Variants in NPR2 observed in about 807,000 individuals in gnomAD.
The protein encoded by NPR2 is natriuretic peptide receptor 2, also known as atrial natriuretic peptide receptor 2.
A neutral mutation model predicts 120.7 loss-of-function variants in NPR2; 49 were observed. That is an observed-to-expected ratio of 0.41 (90% CI 0.32 to 0.52). NPR2 has a LOEUF of 0.52. NPR2 is among the 20% of genes least tolerant of loss of function. The pLI, the probability that NPR2 is intolerant of heterozygous loss-of-function variation, is 0.36. For synonymous variants in NPR2, 484 were observed against 519.8 expected, an observed-to-expected ratio of 0.93 and a Z score of 0.94; for missense variants, 931 against 1,362.9, an observed-to-expected ratio of 0.68 and a Z score of 4.99.
rs1305757694 is a variant in NPR2 at position 35,807,014 on chromosome 9, G to C, written c.2520-9G>C. ...GGAGTTTGGCTCATACGGCACCCTT[G>C]CTTCCTAGTTCAGTGGCAGAGCAGT... is the stretch of plus-strand genomic sequence containing the variant. On this transcript the variant is annotated splice_polypyrimidine_tract_variant and intron_variant, in intron 16 of 21. Coordinates refer to ENST00000342694, the MANE Select transcript of NPR2 (RefSeq NM_003995.4). The C allele has an allele frequency of 6.2e-7, 1 of 1,614,022 alleles. No individual in the cohort carries two copies. Among genetic ancestry groups the C allele is most frequent in the Non-Finnish European group, 8.5e-7 (1 of 1,179,952 alleles).
At chr9:35,797,661 G>A (rs1827984445) in intron 2 of NPR2, among the ~76,000 whole-genome samples, 1 of 152,006 alleles carries the variant, frequency 6.6e-6, no homozygotes, top group Non-Finnish European at 1.5e-5. Context: ...ACTGTGAAAT[G>A]GGACACAATT....
rs540225704 is a variant in NPR2, at chr9:35,799,457, C to T, written c.874-161C>T. ...ACACACACACACACGCACACACACACGCAGAGAGAGAGAGGTTAGTAGCCC... is the reference window on the plus strand; with the variant it reads ...ACACACACACACACGCACACACACATGCAGAGAGAGAGAGGTTAGTAGCCC... On this transcript the variant is annotated intron_variant, in intron 2 of 21. Transcript: ENST00000342694. 8.5e-5 allele frequency among the ~76,000 whole-genome samples: 13 copies of T among 152,120 alleles called. No individual in the cohort carries two copies. The East Asian group carries it at 1.9e-3, about 23-fold the overall frequency.
chr9:35,805,660 C>G lies in NPR2; in HGVS notation c.2037C>G (p.Ala679=). The G allele has an allele frequency of 6.2e-7, 1 of 1,614,044 alleles. No individual in the cohort carries two copies. The highest frequency in any genetic ancestry group is 8.5e-7 in the Non-Finnish European group (1 of 1,180,038). Residue 679 remains alanine (A), a synonymous_variant, in exon 13 of 22, where the codon GCC becomes GCG. Coordinates refer to ENST00000342694, the MANE Select transcript of NPR2 (RefSeq NM_003995.4). The surrounding 1 kb of genome is among the most constrained non-coding windows in gnomAD (Gnocchi z 4.9). The part of the protein sequence containing the change: ...RSTAEPDDSH[A]LYAKKLWTAP... Reference sequence around the variant, plus strand: ...CTGCTGAACCTGATGACAGCCATGCCCTCTATGCCAGTGAGGCCCACCCCC... The same window carrying G: ...CTGCTGAACCTGATGACAGCCATGCGCTCTATGCCAGTGAGGCCCACCCCC...
In NPR2 at chr9:35,792,203, G is replaced by C; in HGVS notation, c.-206G>C. ...CCTCAGTCCTTGCCCTAGGCTGGTA[G>C]CCCACTCCTTGCCCGCCCCCCGCCT... On this transcript the variant is annotated 5_prime_UTR_variant, in exon 1 of 22. Coordinates refer to ENST00000342694, the MANE Select transcript of NPR2 (RefSeq NM_003995.4). 1 of 528,906 alleles carries C rather than the reference G, an allele frequency of 1.9e-6. No individual in the cohort carries two copies. The highest frequency in any genetic ancestry group is 3.4e-6 in the Non-Finnish European group (1 of 297,786). The allele number at this position is 528,906 out of a possible 1,614,324, so 32.8% of individuals were successfully genotyped here. A position where few individuals can be genotyped will look rare whatever the true frequency, so the allele number is the denominator to read the frequency against.
chr9:35,799,936 G>C lies in NPR2; in HGVS notation c.988-86G>C, dbSNP rs1032703763. 1.3e-5 allele frequency: 21 copies of C among 1,587,294 alleles called. No homozygotes were observed. The African/African-American group carries it at 2.6e-4, about 19-fold the overall frequency. On this transcript the variant is annotated intron_variant, in intron 3 of 21. Transcript: ENST00000342694. ...AGAGGGAAGAAAGCAAACCAGAAGA[G>C]AGAATAGGTAGAAGGGAGACCCCAG... is the stretch of plus-strand genomic sequence containing the variant.
chr9:35,806,286 C>G lies in NPR2; in HGVS notation c.2372+53C>G. ...TCCCAGGGATAGAAGACTCATTAGTCCTAGTGCATGAAGTGGGGCAGGTGG... is the reference window on the plus strand; with the variant it reads ...TCCCAGGGATAGAAGACTCATTAGTGCTAGTGCATGAAGTGGGGCAGGTGG... On this transcript the variant is annotated intron_variant, in intron 15 of 21. Coordinates refer to ENST00000342694, the MANE Select transcript of NPR2 (RefSeq NM_003995.4). The surrounding 1 kb of genome is among the most constrained non-coding windows in gnomAD (Gnocchi z 4.6). The G allele has an allele frequency of 1.2e-6, 2 of 1,611,532 alleles. No individual in the cohort carries two copies. Among genetic ancestry groups the G allele is most frequent in the South Asian group, 2.2e-5 (2 of 91,014 alleles).
At position 35,808,554 on chromosome 9, in the gene NPR2, G is replaced by A. The variant is rs1181563118; in HGVS notation, c.2758G>A (p.Gly920Ser). 6.2e-7 allele frequency: 1 copy of A among 1,614,060 alleles called. No individual in the cohort carries two copies. The highest frequency in any genetic ancestry group is 8.5e-7 in the Non-Finnish European group (1 of 1,180,062). The change falls in exon 19 of 22, where the codon GGC becomes AGC. Residue 920 changes from glycine (G) to serine (S), a missense_variant. Gly to Ser is a moderately conservative substitution (Grantham distance 56). This residue lies in a region of NPR2 where 184 missense variants were observed against 328.3 expected (regional missense o/e 0.56). Coordinates refer to ENST00000342694, the MANE Select transcript of NPR2 (RefSeq NM_003995.4). The surrounding 1 kb of genome is among the most constrained non-coding windows in gnomAD (Gnocchi z 4.0). Reference protein sequence around the residue: ...DAYMVVSGLPGRNGQRHAPEI... With the variant: ...DAYMVVSGLPSRNGQRHAPEI... Reference sequence around the variant, plus strand: ...TTACATGGTGGTATCTGGCCTCCCAGGCCGAAATGGTCAACGCCATGCACC... The same window carrying A: ...TTACATGGTGGTATCTGGCCTCCCAAGCCGAAATGGTCAACGCCATGCACC...
chr9:35,802,572 A>G lies in NPR2; in HGVS notation c.1780A>G (p.Ile594Val), dbSNP rs2132083748. The G allele has an allele frequency of 6.2e-7, 1 of 1,606,338 alleles. No homozygotes were observed. The highest frequency in any genetic ancestry group is 8.5e-7 in the Non-Finnish European group (1 of 1,172,960). Residue 594 changes from isoleucine (I) to valine (V), a missense_variant, in exon 11 of 22, where the codon ATT becomes GTT. By Grantham distance (29) the Ile-to-Val change is conservative (BLOSUM62 3). This residue lies in a region of NPR2 where 681 missense variants were observed against 974.3 expected (regional missense o/e 0.70). Coordinates refer to ENST00000342694, the MANE Select transcript of NPR2 (RefSeq NM_003995.4). This position sits in a 1 kb window ranked among gnomAD's most constrained non-coding sequence, Gnocchi z 4.2. ...CTGCATAGACCCTCCCAACATTTGC[A>G]TTGTCACTGAATACTGTCCTCGTGG... is the stretch of plus-strand genomic sequence containing the variant. ...GACIDPPNIC[I>V]VTEYCPRGSL...
chr9:35,799,444 A>G (rs200519956), intron 2 of NPR2, among the ~76,000 whole-genome samples, 174 bp from the exon 3 acceptor site: 204 of 149,092 alleles, frequency 1.4e-3, no homozygotes, highest in East Asian at 2.8e-3. Context: ...ACACACACAC[A>G]CGCACACACA....
In NPR2 at chr9:35,802,698, C is replaced by T. The variant is rs755448963; in HGVS notation, c.1816-34C>T. ...TATGCTGGGTGATAGCTGGTGGGAC[C>T]AGGACAGACAGTCTATTCCATGTCA... On this transcript the variant is annotated intron_variant, in intron 11 of 21. Transcript: ENST00000342694. This position sits in a 1 kb window ranked among gnomAD's most constrained non-coding sequence, Gnocchi z 4.2. The T allele has an allele frequency of 1.4e-5, 22 of 1,547,080 alleles. No homozygotes were observed. In the East Asian group the frequency reaches 4.7e-4, roughly 33 times the overall value.
At position 35,799,897 on chromosome 9, in the gene NPR2, G is replaced by A. The variant is rs948934796; in HGVS notation, c.988-125G>A. 28 of 1,473,642 alleles carry A rather than the reference G, an allele frequency of 1.9e-5. No homozygotes were observed. In the South Asian group the frequency reaches 2.4e-4, roughly 13 times the overall value. The allele number at this position is 1,473,642 out of a possible 1,614,324, so 91.3% of individuals were successfully genotyped here. On this transcript the variant is annotated intron_variant, in intron 3 of 21. Transcript: ENST00000342694. ...CCTATGGAGTAGTTAGGAAGGGATGGCACTTTAGGAATAAGAGGGAAGAAA... is the reference window on the plus strand; with the variant it reads ...CCTATGGAGTAGTTAGGAAGGGATGACACTTTAGGAATAAGAGGGAAGAAA...
chr9:35,801,932 T>C lies in NPR2; in HGVS notation c.1564T>C (p.Ser522Pro). ...GSRLTLSLRG[S>P]SYGSLMTAHG... ...ATGTTGCCCTTGGCCCCAGCGGGGA[T>C]CCAGTTACGGCTCGCTCATGACAGC... Residue 522 changes from serine (S) to proline (P), a missense_variant, in exon 9 of 22, where the codon TCC (serine) becomes CCC (proline). Coordinates refer to ENST00000342694, the MANE Select transcript of NPR2 (RefSeq NM_003995.4). The C allele has an allele frequency of 6.2e-7, 1 of 1,614,158 alleles. No homozygotes were observed. The highest frequency in any genetic ancestry group is 8.5e-7 in the Non-Finnish European group (1 of 1,180,018).
At position 35,792,890 on chromosome 9, in the gene NPR2, A is replaced by C; in HGVS notation, c.482A>C (p.Asn161Thr). ...GTGGTGACACTACACGGGCACTTCA[A>C]TTGGACTGCCCGTGCTGCCTTGCTG... Reference protein sequence around the residue: ...EFVVTLHGHFNWTARAALLYL... With the variant: ...EFVVTLHGHFTWTARAALLYL... The change falls in exon 1 of 22, where the codon AAT becomes ACT. Residue 161 changes from asparagine (N) to threonine (T), a missense_variant. Around this residue, in one of 3 missense-constraint regions of NPR2, gnomAD observed 681 missense variants for 974.3 expected, o/e 0.70. Coordinates refer to ENST00000342694, the MANE Select transcript of NPR2 (RefSeq NM_003995.4). 1 of 1,614,036 alleles carries C rather than the reference A, an allele frequency of 6.2e-7. No individual in the cohort carries two copies. Among genetic ancestry groups the C allele is most frequent in the Non-Finnish European group, 8.5e-7 (1 of 1,179,990 alleles).
In NPR2 at chr9:35,801,716, T is replaced by TCA. The variant is rs769919675; in HGVS notation, c.1511_1512dup (p.Glu505GlnfsTer25). 6.2e-7 allele frequency: 1 copy of TCA among 1,614,220 alleles called. No homozygotes were observed. The highest frequency in any genetic ancestry group is 1.7e-5 in the Admixed American group (1 of 60,024). On this transcript the variant is annotated frameshift_variant, in exon 8 of 22. Coordinates refer to ENST00000342694, the MANE Select transcript of NPR2 (RefSeq NM_003995.4). LOFTEE classifies it high-confidence loss of function. ...CTGGGAAGAACTGCAGTTTGGCAAC[T>TCA]CAGAGCGTTATCACAAAGGTGCAGG...
intron 2 of NPR2, among the ~76,000 whole-genome samples, chr9:35,798,181 A>G (rs1475603564): frequency 2.0e-5 from 3 of 152,110 alleles, no homozygotes; most frequent in African/African-American, 7.2e-5. Flanking sequence ...TGTGTTAAAA[A>G]CCTATCATCA....
Position 35,808,558 on chromosome 9 carries a change from G to A in NPR2, c.2762G>A (p.Arg921Gln), listed in dbSNP as rs770276670. 6.2e-6 allele frequency: 10 copies of A among 1,614,006 alleles called. No homozygotes were observed. Among genetic ancestry groups the A allele is most frequent in the Non-Finnish European group, 8.5e-6 (10 of 1,180,030 alleles). The change falls in exon 19 of 22, where the codon CGA (arginine) becomes CAA (glutamine). Residue 921 changes from arginine to glutamine, a missense_variant. Physicochemically the swap from Arg to Gln is conservative, Grantham distance 43. Around this residue, in one of 3 missense-constraint regions of NPR2, gnomAD observed 184 missense variants for 328.3 expected, o/e 0.56. Coordinates refer to ENST00000342694, the MANE Select transcript of NPR2 (RefSeq NM_003995.4). The surrounding 1 kb of genome is among the most constrained non-coding windows in gnomAD (Gnocchi z 4.0). ...AYMVVSGLPG[R>Q]NGQRHAPEIA... ...ATGGTGGTATCTGGCCTCCCAGGCCGAAATGGTCAACGCCATGCACCAGAA... is the reference window on the plus strand; with the variant it reads ...ATGGTGGTATCTGGCCTCCCAGGCCAAAATGGTCAACGCCATGCACCAGAA...
At position 35,792,192 on chromosome 9, in the gene NPR2, C is replaced by T. The variant is rs1827802566; in HGVS notation, c.-217C>T. 5.4e-6 allele frequency: 3 copies of T among 552,438 alleles called. No individual in the cohort carries two copies. Among genetic ancestry groups the T allele is most frequent in the Admixed American group, 6.2e-5 (2 of 32,174 alleles). 34.2% of individuals were successfully genotyped at this position (552,438 alleles called of 1,614,324 possible). The stretch of plus-strand genomic sequence containing the variant: ...CCGTTCTCAGTCCTCAGTCCTTGCC[C>T]TAGGCTGGTAGCCCACTCCTTGCCC... On this transcript the variant is annotated 5_prime_UTR_variant, in exon 1 of 22. Coordinates refer to ENST00000342694, the MANE Select transcript of NPR2 (RefSeq NM_003995.4).
chr9:35,806,898 C>A lies in NPR2; in HGVS notation c.2520-125C>A. On this transcript the variant is annotated intron_variant, in intron 16 of 21. Coordinates refer to ENST00000342694, the MANE Select transcript of NPR2 (RefSeq NM_003995.4). The surrounding 1 kb of genome is among the most constrained non-coding windows in gnomAD (Gnocchi z 4.6). The stretch of plus-strand genomic sequence containing the variant: ...TAATGTCTTCCCAGCCACTTTCCTC[C>A]CTCCCACCTGAAAAGCCTAGCTTTC... The A allele has an allele frequency of 9.1e-7, 1 of 1,094,746 alleles. No homozygotes were observed. Among genetic ancestry groups the A allele is most frequent in the Non-Finnish European group, 1.4e-6 (1 of 735,892 alleles). The allele number at this position is 1,094,746 out of a possible 1,614,324, so 67.8% of individuals were successfully genotyped here.
chr9:35,793,989 T>C lies in NPR2; in HGVS notation c.759T>C (p.Phe253=), dbSNP rs1048951305. 17 of 1,614,100 alleles carry C rather than the reference T, an allele frequency of 1.1e-5. No individual in the cohort carries two copies. The African/African-American group carries it at 1.9e-4, about 18-fold the overall frequency. ...ENLTNGDYVF[F]YLDVFGESLR... is the part of the protein sequence containing the mutation. ...TGACCAATGGGGATTATGTCTTCTTTTACCTGGATGTCTTTGGGGAGAGTC... is the reference window on the plus strand; with the variant it reads ...TGACCAATGGGGATTATGTCTTCTTCTACCTGGATGTCTTTGGGGAGAGTC... Residue 253 remains phenylalanine, a synonymous_variant, in exon 2 of 22, where the codon TTT becomes TTC. Transcript: ENST00000342694.
Sources: gnomAD v4.1 joint callset for allele counts (sites outside exome capture counted in the v4.1 genomes callset) on GRCh38, gnomAD v4.1.1 for gene constraint, gnomAD v4.1.1 regional missense constraint, Gnocchi (gnomAD v3.1) non-coding constraint, MANE v1.5 for transcripts, NCBI Gene and HGNC (gene_info 2026-07-23, HGNC 2026-07-21) for gene names.